Variants in LRRC20 observed in about 807,000 individuals in gnomAD.
LRRC20 encodes the protein leucine rich repeat containing 20.
LRRC20 carries 11 observed loss-of-function variants against 14.4 expected under a neutral mutation model. The ratio of observed to expected loss-of-function variants is 0.77; its 90% CI spans 0.48 to 1.27. The LOEUF (loss-of-function observed/expected upper bound fraction) is 1.27. Among genes scored for constraint, LRRC20 ranks in the 50% most tolerant of loss-of-function variants. LRRC20 has a pLI of 0.00. For missense variants in LRRC20, 219 were observed against 251.2 expected (o/e 0.87, Z 0.87); for synonymous variants, 121 against 107.3 (o/e 1.13, Z -0.79).
intron 4 of LRRC20, among the ~76,000 whole-genome samples, chr10:70,319,550 C>G (rs139597674): frequency 9.6e-4 from 146 of 152,258 alleles, no homozygotes; most frequent in African/African-American, 3.4e-3. Flanking sequence ...CTCTCTAGCT[C>G]TCCATGGCAC....
intron 4 of LRRC20, among the ~76,000 whole-genome samples, chr10:70,312,849 C>A (rs1450325030): frequency 1.3e-5 from 2 of 152,136 alleles, no homozygotes; most frequent in South Asian, 2.1e-4. Context: ...TGGCGGGCAC[C>A]CCCATCAATA....
intron 4 of LRRC20, 137 bp downstream of exon 4, chr10:70,323,725 GC>G: frequency 1.1e-6 from 1 of 935,006 alleles, no homozygotes; most frequent in South Asian, 1.7e-5. Context: ...ACCTTCCCAG[GC>G]CCCATGTCCT....
intron 3 of LRRC20, among the ~76,000 whole-genome samples, chr10:70,335,900 G>C (rs1050075985): frequency 1.3e-5 from 2 of 152,196 alleles, no homozygotes; most frequent in African/African-American, 4.8e-5. Context: ...GAGGCTTTCT[G>C]ATTCCCTAAT....
At chr10:70,375,801 C>T (rs946141434) in intron 2 of LRRC20, among the ~76,000 whole-genome samples, 1 of 152,020 alleles carries the variant, frequency 6.6e-6, no homozygotes. Flanking sequence ...TGCACTGTAT[C>T]CCCTGCTGCC....
intron 3 of LRRC20, among the ~76,000 whole-genome samples, chr10:70,326,330 A>ACACACACACACG (rs1554838457): frequency 2.6e-5 from 4 of 150,966 alleles, no homozygotes; most frequent in African/African-American, 9.8e-5. Flanking sequence ...ACACACACAC[A>ACACACACACACG]CACGCACGCG....
chr10:70,322,268 C>T lies in LRRC20; in HGVS notation c.400+1595G>A, dbSNP rs138397368. ...TAGGATATGGGGAAGCCAAAGCTGG[C>T]GCTGGTGAGACCCACCTGTCTACCC... On this transcript the variant is annotated intron_variant, in intron 4 of 4. Coordinates refer to ENST00000446961, the MANE Select transcript of LRRC20 (RefSeq NM_001278212.2). 2.2e-3 allele frequency among the ~76,000 whole-genome samples: 342 copies of T among 152,300 alleles called. 13 individuals carry two copies. The South Asian group carries it at 0.059, about 26-fold the overall frequency.
chr10:70,310,073 GC>G (rs1373174825), intron 4 of LRRC20, among the ~76,000 whole-genome samples: 3 of 152,210 alleles, frequency 2.0e-5, no homozygotes, highest in African/African-American at 7.2e-5. Flanking sequence ...TAATTTAACC[GC>G]AAAAGTCATT....
intron 2 of LRRC20, among the ~76,000 whole-genome samples, chr10:70,342,164 G>T (rs535280350): frequency 2.0e-5 from 3 of 152,142 alleles, no homozygotes; most frequent in South Asian, 2.1e-4. Flanking sequence ...AAAAAAATTA[G>T]CTGGGCATGG....
intron 2 of LRRC20, among the ~76,000 whole-genome samples, chr10:70,367,328 C>CAAAAAA (rs71472959): frequency 6.0e-5 from 7 of 117,324 alleles, no homozygotes; most frequent in African/African-American, 9.7e-5. Context: ...GACCCGGTCT[C>CAAAAAA]AAAAAAAAAA....
intron 2 of LRRC20, among the ~76,000 whole-genome samples, chr10:70,367,970 AT>A (rs542693218): frequency 2.2e-5 from 3 of 137,078 alleles, no homozygotes; most frequent in African/African-American, 8.3e-5. Context: ...ATGTTATGTT[AT>A]GTTATGTTAT....
intron 1 of LRRC20, among the ~76,000 whole-genome samples, chr10:70,377,265 G>A (rs565778344): frequency 7.2e-5 from 11 of 152,180 alleles, no homozygotes; most frequent in South Asian, 4.1e-4. Flanking sequence ...CAAGAAAAGC[G>A]GGCAGGGGCC....
intron 2 of LRRC20, among the ~76,000 whole-genome samples, chr10:70,345,812 C>T (rs191958273): frequency 8.3e-4 from 127 of 152,246 alleles, no homozygotes; most frequent in African/African-American, 2.4e-3. Context: ...CTTTAATTTG[C>T]AATATTTTCA....
chr10:70,301,270 T>C lies in LRRC20; in HGVS notation c.*84A>G. On this transcript the variant is annotated 3_prime_UTR_variant, in exon 5 of 5. Coordinates refer to ENST00000446961, the MANE Select transcript of LRRC20 (RefSeq NM_001278212.2). ...GCCCACCCGCCCCCAGCCCCCAGGC[T>C]TGGCCTCCCATGGGCCTCCCTCCCT... The C allele has an allele frequency of 6.7e-7, 1 of 1,486,076 alleles. No homozygotes were observed. The highest frequency in any genetic ancestry group is 8.9e-7 in the Non-Finnish European group (1 of 1,118,412). 92.1% of individuals were successfully genotyped at this position (1,486,076 alleles called of 1,614,324 possible). A position where few individuals can be genotyped will look rare whatever the true frequency, so the allele number is the denominator to read the frequency against.
At chr10:70,377,642 C>A (rs1221036208) in intron 1 of LRRC20, among the ~76,000 whole-genome samples, 1 of 152,194 alleles carries the variant, frequency 6.6e-6, no homozygotes. Flanking sequence ...AGTGAACTCA[C>A]TCCAAGGGCC....
In LRRC20 at chr10:70,300,649, G is replaced by A; in HGVS notation, c.*705C>T. 1.0e-6 allele frequency: 1 copy of A among 985,558 alleles called. No individual in the cohort carries two copies. The highest frequency in any genetic ancestry group is 4.7e-5 in the South Asian group (1 of 21,298). The allele number at this position is 985,558 out of a possible 1,614,324, so 61.1% of individuals were successfully genotyped here. On this transcript the variant is annotated 3_prime_UTR_variant, in exon 5 of 5. Transcript: ENST00000446961. ...TCAGGACTTCCCACCCCGCCAATTTGTTAACTGTGGGGAATGACAGAGCTG... is the reference window on the plus strand; with the variant it reads ...TCAGGACTTCCCACCCCGCCAATTTATTAACTGTGGGGAATGACAGAGCTG...
rs116479485 is a variant in LRRC20, at chr10:70,314,672, G to A, written c.400+9191C>T. 1.4e-3 allele frequency among the ~76,000 whole-genome samples: 219 copies of A among 152,150 alleles called. 2 individuals carry two copies. Among genetic ancestry groups the A allele is most frequent in the African/African-American group, 4.9e-3 (203 of 41,518 alleles). ...GCCCAATGATTTGAATGCACAGATAGTTTGAGCATCGCTGGTCTTCTCGGT... is the reference window on the plus strand; with the variant it reads ...GCCCAATGATTTGAATGCACAGATAATTTGAGCATCGCTGGTCTTCTCGGT... On this transcript the variant is annotated intron_variant, in intron 4 of 4. Transcript: ENST00000446961.
intron 3 of LRRC20, among the ~76,000 whole-genome samples, chr10:70,339,097 G>A (rs1051714350): frequency 5.9e-5 from 9 of 152,240 alleles, no homozygotes; most frequent in African/African-American, 2.2e-4. Flanking sequence ...CCCAGCTGCT[G>A]CTTGTATGAG....
chr10:70,317,189 T>C (rs567609205), intron 4 of LRRC20, among the ~76,000 whole-genome samples: 1 of 152,248 alleles, frequency 6.6e-6, no homozygotes, highest in African/African-American at 2.4e-5. Flanking sequence ...CACTTGAATG[T>C]GGAAAGTGGT....
At position 70,301,253 on chromosome 10, in the gene LRRC20, G is replaced by T; in HGVS notation, c.*101C>A. The T allele has an allele frequency of 8.7e-7, 1 of 1,150,212 alleles. No homozygotes were observed. Among genetic ancestry groups the T allele is most frequent in the Non-Finnish European group, 1.1e-6 (1 of 871,462 alleles). The allele number at this position is 1,150,212 out of a possible 1,614,324, so 71.3% of individuals were successfully genotyped here. A position where few individuals can be genotyped will look rare whatever the true frequency, so the allele number is the denominator to read the frequency against. On this transcript the variant is annotated 3_prime_UTR_variant, in exon 5 of 5. Transcript: ENST00000446961. ...CCACCACGTGCTGCTCGGCCCACCC[G>T]CCCCCAGCCCCCAGGCTTGGCCTCC...
Sources: allele counts gnomAD v4.1 joint callset (sites outside exome capture counted in the v4.1 genomes callset), GRCh38; gene constraint gnomAD v4.1.1; transcripts MANE v1.5; gene names NCBI Gene and HGNC (gene_info 2026-07-23, HGNC 2026-07-21).